Variants in CNRIP1 observed in about 807,000 individuals in gnomAD.
CNRIP1 encodes the protein cannabinoid receptor interacting protein 1.
CNRIP1 carries 10 observed loss-of-function variants against 15.2 expected under a neutral mutation model. The observed-to-expected ratio is 0.66, with a 90% CI of 0.41 to 1.12. CNRIP1 has a LOEUF of 1.12. Among genes scored for constraint, CNRIP1 ranks in the 50% most tolerant of loss-of-function variants. The pLI, the probability that CNRIP1 is intolerant of heterozygous loss-of-function variation, is 0.00. For synonymous variants in CNRIP1, 91 were observed against 83.2 expected, an observed-to-expected ratio of 1.09 and a Z score of -0.51; for missense variants, 211 against 214.7, an observed-to-expected ratio of 0.98 and a Z score of 0.11.
intron 2 of CNRIP1, among the ~76,000 whole-genome samples, chr2:68,303,356 A>C (rs1305882468): frequency 6.6e-6 from 1 of 152,186 alleles, no homozygotes; most frequent in Admixed American, 6.5e-5. Context: ...GTAAGTGTGG[A>C]GAAGGTCATC....
intron 2 of CNRIP1, among the ~76,000 whole-genome samples, chr2:68,297,254 A>AAAAAC (rs1028686572): frequency 1.3e-5 from 2 of 152,184 alleles, no homozygotes; most frequent in Non-Finnish European, 2.9e-5. Context: ...ATGGTTCATT[A>AAAAAC]AAAACAAAAC....
At chr2:68,305,274 A>ATATG (rs1178617955) in intron 2 of CNRIP1, among the ~76,000 whole-genome samples, 6 of 120,640 alleles carry the variant, frequency 5.0e-5, no homozygotes, top group African/African-American at 2.0e-4. Flanking sequence ...ATATATATAT[A>ATATG]TGTGTGTGTG....
chr2:68,288,067 G>GGCCGGCCA (rs140034786), downstream of CNRIP1, among the ~76,000 whole-genome samples: 25 of 149,880 alleles, frequency 1.7e-4, no homozygotes, highest in Admixed American at 8.6e-4. Context: ...GCAGCCGGCC[G>GGCCGGCCA]GCCAGCCAGC....
downstream of CNRIP1, among the ~76,000 whole-genome samples, chr2:68,288,783 GC>G (rs1671093471): frequency 6.6e-6 from 1 of 152,220 alleles, no homozygotes; most frequent in Admixed American, 6.5e-5. Flanking sequence ...ACAAATTAAG[GC>G]AAAACTACCA....
downstream of CNRIP1, among the ~76,000 whole-genome samples, chr2:68,289,965 A>G (rs114525186): frequency 4.9e-3 from 752 of 151,980 alleles, 9 homozygotes; most frequent in African/African-American, 0.017. Flanking sequence ...CTAAGACCAC[A>G]CAGCTAATAA....
chr2:68,297,924 C>A (rs1410995605), intron 2 of CNRIP1, among the ~76,000 whole-genome samples: 2 of 151,950 alleles, frequency 1.3e-5, no homozygotes, highest in Non-Finnish European at 2.9e-5. Flanking sequence ...AAAAATATTA[C>A]CTTCTAAGTA....
At chr2:68,289,931 G>A (rs987598710), downstream of CNRIP1, among the ~76,000 whole-genome samples, 7 of 151,878 alleles carry the variant, frequency 4.6e-5, no homozygotes, top group Admixed American at 2.6e-4. Context: ...GAAAATTGAG[G>A]CACAGAGGTA....
At chr2:68,296,041 G>C (rs766206468) in intron 2 of CNRIP1, among the ~76,000 whole-genome samples, 3 of 152,118 alleles carry the variant, frequency 2.0e-5, no homozygotes, top group African/African-American at 7.2e-5. Flanking sequence ...TTCAGGCCCA[G>C]CAATTCCATT....
chr2:68,306,778 T>TA lies in CNRIP1; in HGVS notation c.330+10378dup, dbSNP rs143458691. On this transcript the variant is annotated intron_variant, in intron 2 of 2. Transcript: ENST00000263655. The stretch of plus-strand genomic sequence containing the variant: ...CATGGGTGACAGAGCAAGACTCCAT[T>TA]AAAAAAAAAAAAAAAAATTACAAAC... 4.9e-3 allele frequency among the ~76,000 whole-genome samples: 680 copies of TA among 139,346 alleles called. 2 individuals carry two copies. Among genetic ancestry groups the TA allele is most frequent in the African/African-American group, 9.7e-3 (369 of 37,928 alleles). 91.4% of individuals were successfully genotyped at this position (139,346 alleles called of 152,430 possible).
At chr2:68,301,247 A>T (rs1407617075) in intron 2 of CNRIP1, among the ~76,000 whole-genome samples, 1 of 152,252 alleles carries the variant, frequency 6.6e-6, no homozygotes, top group East Asian at 1.9e-4. Context: ...AAGTGGTTCA[A>T]CATTTGAAAA....
chr2:68,287,807 T>G (rs898422343), intron 2 of CNRIP1, among the ~76,000 whole-genome samples: 1 of 152,236 alleles, frequency 6.6e-6, no homozygotes, highest in South Asian at 2.1e-4. Context: ...TGGAAACATT[T>G]GGTAAGCAGC....
chr2:68,316,717 TAA>T, intron 2 of CNRIP1: 1 of 268,690 alleles, frequency 3.7e-6, no homozygotes, highest in East Asian at 9.0e-5. Context: ...GGATATTATA[TAA>T]GAGGTGTATT....
chr2:68,284,555 T>C, intron 2 of CNRIP1: 3 of 1,006,134 alleles, frequency 3.0e-6, no homozygotes, highest in Non-Finnish European at 4.4e-6. Context: ...CTCACGCCCG[T>C]AATCCCAGCA....
At chr2:68,304,118 G>T (rs956555130) in intron 2 of CNRIP1, among the ~76,000 whole-genome samples, 1 of 151,890 alleles carries the variant, frequency 6.6e-6, no homozygotes. Context: ...CCAGGTGCAG[G>T]GGGTGCATGC....
Position 68,317,141 on chromosome 2 carries a change from CGCAA to C in CNRIP1, c.330+12_330+15del, listed in dbSNP as rs1225008049. On this transcript the variant is annotated intron_variant, in intron 2 of 2. Transcript: ENST00000263655. Reference sequence around the variant, plus strand: ...TTCCATGGCACCATACTCCTATACCCGCAAGCAAGCCTTACCGGCATGGTGATCT... The same window carrying C: ...TTCCATGGCACCATACTCCTATACCCGCAAGCCTTACCGGCATGGTGATCT... The C allele has an allele frequency of 4.3e-6, 7 of 1,614,024 alleles. No individual in the cohort carries two copies. The highest frequency in any genetic ancestry group is 5.9e-6 in the Non-Finnish European group (7 of 1,180,022).
intron 2 of CNRIP1, among the ~76,000 whole-genome samples, chr2:68,299,499 G>C (rs1337422146): frequency 1.3e-5 from 2 of 152,180 alleles, no homozygotes; most frequent in African/African-American, 2.4e-5. Flanking sequence ...GATACATCAA[G>C]AAAGTGTCTA....
rs564519359 is a variant in CNRIP1, at chr2:68,306,368, C to A, written c.330+10789G>T. ...AAAAAGAGTACCAGGATACTGTTTA[C>A]CTCTAATTAACTGTGTGATCCTAGA... On this transcript the variant is annotated intron_variant, in intron 2 of 2. Transcript: ENST00000263655. 1.4e-4 allele frequency among the ~76,000 whole-genome samples: 21 copies of A among 151,200 alleles called. 1 individual carries two copies. Among genetic ancestry groups the A allele is most frequent in the Middle Eastern group, 3.5e-3 (1 of 282 alleles).
At position 68,319,386 on chromosome 2, in the gene CNRIP1, C is replaced by T. The variant is rs148533241; in HGVS notation, c.15G>A (p.Pro5=). 1 of 1,578,296 alleles carries T rather than the reference C, an allele frequency of 6.3e-7. No individual in the cohort carries two copies. Among genetic ancestry groups the T allele is most frequent in the South Asian group, 1.1e-5 (1 of 87,622 alleles). The change falls in exon 1 of 3, where the codon CCG becomes CCA. Residue 5 remains proline (P), a synonymous_variant. Coordinates refer to ENST00000263655, the MANE Select transcript of CNRIP1 (RefSeq NM_015463.3). ...GCGCGATGGAGAGGCGCACGAGGCC[C>T]GGCAGGTCCCCCATGTCTGGGCGAG... MGDL[P]GLVRLSIALR...
rs536354566 is a variant in CNRIP1 at position 68,319,027 on chromosome 2, G to A, written c.179+195C>T. Among the ~76,000 whole-genome samples, 3 of 152,366 alleles carry A rather than the reference G, an allele frequency of 2.0e-5. No homozygotes were observed. In the South Asian group the frequency reaches 6.2e-4, roughly 32 times the overall value. On this transcript the variant is annotated intron_variant, in intron 1 of 2. Coordinates refer to ENST00000263655, the MANE Select transcript of CNRIP1 (RefSeq NM_015463.3). The stretch of plus-strand genomic sequence containing the variant: ...CACTGCGATGGGTGGAGGGAAGCGA[G>A]AATGGAGGAATACAAGCCAAAGGGA...
Sources: gnomAD v4.1 joint callset for allele counts (sites outside exome capture counted in the v4.1 genomes callset) on GRCh38, gnomAD v4.1.1 for gene constraint, MANE v1.5 for transcripts, NCBI Gene and HGNC (gene_info 2026-07-23, HGNC 2026-07-21) for gene names.